The following CSMD1 variants were observed in gnomAD, a reference collection of about 807,000 sequenced individuals.
CSMD1 encodes CUB and sushi domain-containing protein 1.
Under a neutral mutation model 417.5 loss-of-function variants are expected in CSMD1, and 213 were observed. That is an observed-to-expected ratio of 0.51 (90% confidence interval 0.46 to 0.57). CSMD1 has a LOEUF of 0.57. Among genes scored for constraint, CSMD1 ranks in the 20% least tolerant of loss-of-function variants. CSMD1 has a pLI of 0.00. For synonymous variants in CSMD1, 2,862 were observed against 1,736.8 expected, an observed-to-expected ratio of 1.65 and a Z score of -16.11; for missense variants, 6,923 against 4,529.7, an observed-to-expected ratio of 1.53 and a Z score of -15.17.
intron 2 of CSMD1, among the ~76,000 whole-genome samples, chr8:4,463,784 GT>G (rs536032870): frequency 4.6e-5 from 7 of 152,082 alleles, no homozygotes; most frequent in Non-Finnish European, 8.8e-5. Flanking sequence ...TGGATACTGG[GT>G]TTTTTGCATT....
intron 2 of CSMD1, among the ~76,000 whole-genome samples, chr8:4,541,414 G>A (rs1167820648): frequency 6.6e-6 from 1 of 152,146 alleles, no homozygotes; most frequent in Non-Finnish European, 1.5e-5. Context: ...CTTCACCTTT[G>A]CACTTCTAAG....
Position 2,963,210 on chromosome 8 carries a change from T to G in CSMD1, c.9454+12A>C. ...CTGCAGTGGGCGGAACAAATTCTGC[T>G]GTAGAACTTACGGAGACACTGGGGG... On this transcript the variant is annotated intron_variant, in intron 60 of 69. Coordinates refer to ENST00000635120, the MANE Select transcript of CSMD1 (RefSeq NM_033225.6). 3 of 1,613,632 alleles carry G rather than the reference T, an allele frequency of 1.9e-6. No homozygotes were observed. The highest frequency in any genetic ancestry group is 2.5e-6 in the Non-Finnish European group (3 of 1,179,620).
chr8:4,482,872 A>G (rs924298235), intron 2 of CSMD1, among the ~76,000 whole-genome samples: 14 of 152,194 alleles, frequency 9.2e-5, no homozygotes, highest in Non-Finnish European at 1.8e-4. Flanking sequence ...TTTTTAAGGA[A>G]CTTCATAAAG....
intron 3 of CSMD1, among the ~76,000 whole-genome samples, chr8:4,061,935 G>C (rs535687119): frequency 6.6e-6 from 1 of 152,234 alleles, no homozygotes; most frequent in East Asian, 1.9e-4. Context: ...ACTGACTAAC[G>C]AAAGATTCTT....
At chr8:4,788,292 G>A in intron 1 of CSMD1, 1 of 1,586,798 alleles carries the variant, frequency 6.3e-7, no homozygotes, top group Non-Finnish European at 8.6e-7. Flanking sequence ...ATTTGTGGCA[G>A]TGGCAGGCAG....
At chr8:3,621,093 C>G (rs1294380927) in intron 7 of CSMD1, among the ~76,000 whole-genome samples, 3 of 152,148 alleles carry the variant, frequency 2.0e-5, no homozygotes, top group African/African-American at 7.2e-5. Flanking sequence ...GAGAGTCATC[C>G]ACAAGACAAG....
At chr8:3,505,670 T>C (rs1387513568) in intron 10 of CSMD1, among the ~76,000 whole-genome samples, 2 of 152,120 alleles carry the variant, frequency 1.3e-5, no homozygotes, top group African/African-American at 4.8e-5. Context: ...TTTGGTAGCA[T>C]AACAAAACCG....
chr8:3,912,085 A>T (rs1220255961), intron 5 of CSMD1, among the ~76,000 whole-genome samples: 3 of 152,162 alleles, frequency 2.0e-5, no homozygotes, highest in African/African-American at 4.8e-5. Flanking sequence ...TTCAAACCCT[A>T]AATCAATAAA....
At chr8:4,188,451 A>G in intron 3 of CSMD1, among the ~76,000 whole-genome samples, 1 of 152,106 alleles carries the variant, frequency 6.6e-6, no homozygotes, top group East Asian at 1.9e-4. Context: ...ATCCAGCCTG[A>G]GAAACTTTAT....
At chr8:4,913,719 C>T (rs1352053842) in intron 1 of CSMD1, among the ~76,000 whole-genome samples, 1 of 152,146 alleles carries the variant, frequency 6.6e-6, no homozygotes, top group Non-Finnish European at 1.5e-5. Context: ...TTAGGAAGAA[C>T]CATTGACAAA....
chr8:3,535,370 A>G (rs1312265116), intron 10 of CSMD1, among the ~76,000 whole-genome samples: 1 of 152,226 alleles, frequency 6.6e-6, no homozygotes. Context: ...TCCAGAGGAC[A>G]GAAATGGAAA....
chr8:3,243,411 G>T (rs573541597), intron 26 of CSMD1, among the ~76,000 whole-genome samples: 10 of 151,100 alleles, frequency 6.6e-5, no homozygotes, highest in African/African-American at 9.7e-5. Context: ...GGCTGAGTCC[G>T]AAAAGAGAGT....
intron 55 of CSMD1, among the ~76,000 whole-genome samples, chr8:2,975,580 C>A (rs1046147251): frequency 6.6e-6 from 1 of 152,148 alleles, no homozygotes; most frequent in African/African-American, 2.4e-5. Context: ...GACATTGATT[C>A]ATTGGAGAAC....
chr8:3,991,559 T>C (rs1442931499), intron 5 of CSMD1, among the ~76,000 whole-genome samples: 1 of 152,170 alleles, frequency 6.6e-6, no homozygotes, highest in Non-Finnish European at 1.5e-5. Context: ...TGAATAATGC[T>C]GGAAAGAAAC....
rs183921233 is a variant in CSMD1 at position 4,813,439 on chromosome 8, C to T, written c.86-175881G>A. 2.6e-5 allele frequency among the ~76,000 whole-genome samples: 4 copies of T among 152,224 alleles called. No homozygotes were observed. The East Asian group carries it at 5.8e-4, about 22-fold the overall frequency. On this transcript the variant is annotated intron_variant, in intron 1 of 69. Coordinates refer to ENST00000635120, the MANE Select transcript of CSMD1 (RefSeq NM_033225.6). ...TCAGCCTACCAGTCTGCCTTGTTTT[C>T]TGTATTCTTCCTAGATACAACAGAA...
intron 37 of CSMD1, 73 bp downstream of exon 37, chr8:3,181,037 A>T (rs983142726): frequency 2.7e-5 from 24 of 884,064 alleles, no homozygotes; most frequent in African/African-American, 5.0e-5. Context: ...TAATAAGAGC[A>T]TGATTTATTT....
chr8:4,912,841 A>T (rs142521653), intron 1 of CSMD1, among the ~76,000 whole-genome samples: 1 of 152,200 alleles, frequency 6.6e-6, no homozygotes, highest in African/African-American at 2.4e-5. Context: ...ACTAGAGTGC[A>T]GTGGTGCAAC....
chr8:4,130,342 C>A (rs1803023855), intron 3 of CSMD1, among the ~76,000 whole-genome samples: 3 of 152,196 alleles, frequency 2.0e-5, no homozygotes, highest in Admixed American at 1.3e-4. Context: ...ATTCCAAAGA[C>A]CCCCAGTAAT....
At chr8:3,457,906 G>C (rs1250438454) in intron 12 of CSMD1, among the ~76,000 whole-genome samples, 1 of 152,144 alleles carries the variant, frequency 6.6e-6, no homozygotes, top group Admixed American at 6.5e-5. Context: ...AATGAGGAAG[G>C]CAGCCATATG....
Sources: gnomAD v4.1 joint callset for allele counts (sites outside exome capture counted in the v4.1 genomes callset) on GRCh38, gnomAD v4.1.1 for gene constraint, MANE v1.5 for transcripts, NCBI Gene and HGNC (gene_info 2026-07-23, HGNC 2026-07-21) for gene names.